The following DPYD variants were observed in gnomAD, a reference collection of about 807,000 sequenced individuals.
DPYD encodes dihydropyrimidine dehydrogenase [NADP(+)].
DPYD carries 109 observed loss-of-function variants against 116.2 expected under a neutral mutation model. The ratio of observed to expected loss-of-function variants is 0.94; its 90% CI spans 0.80 to 1.10. The LOEUF (loss-of-function observed/expected upper bound fraction) is 1.10. Among genes scored for constraint, DPYD ranks in the 50% least tolerant of loss-of-function variants. DPYD has a pLI of 0.00. For synonymous variants in DPYD, 440 were observed against 432.0 expected, an observed-to-expected ratio of 1.02 and a Z score of -0.23; for missense variants, 1,302 against 1,254.5, an observed-to-expected ratio of 1.04 and a Z score of -0.57.
intron 20 of DPYD, among the ~76,000 whole-genome samples, chr1:97,192,310 A>G (rs1440869309): frequency 2.6e-5 from 4 of 152,182 alleles, no homozygotes; most frequent in Non-Finnish European, 5.9e-5. Context: ...TGAATTATTA[A>G]ATGCTTCCTT....
At chr1:97,898,590 G>A (rs1055222594) in intron 1 of DPYD, among the ~76,000 whole-genome samples, 2 of 151,852 alleles carry the variant, frequency 1.3e-5, no homozygotes, top group African/African-American at 4.8e-5. Context: ...TATTGTTTCA[G>A]GTGGAAATGT....
chr1:97,636,457 TAAATA>T (rs1657567951), intron 8 of DPYD, among the ~76,000 whole-genome samples: 1 of 152,074 alleles, frequency 6.6e-6, no homozygotes, highest in Non-Finnish European at 1.5e-5. Flanking sequence ...ATGATCTTTA[TAAATA>T]AAATATAGAT....
chr1:97,909,109 A>G (rs933707768), intron 1 of DPYD, among the ~76,000 whole-genome samples: 1 of 152,134 alleles, frequency 6.6e-6, no homozygotes, highest in African/African-American at 2.4e-5. Flanking sequence ...CCTACTTTAC[A>G]GAAAATCTAT....
chr1:97,251,265 A>G (rs780096277), intron 18 of DPYD, among the ~76,000 whole-genome samples: 1 of 151,822 alleles, frequency 6.6e-6, no homozygotes, highest in Non-Finnish European at 1.5e-5. Flanking sequence ...TCATGGTGGC[A>G]GGCGCCTCTC....
intron 12 of DPYD, among the ~76,000 whole-genome samples, chr1:97,537,169 CT>C (rs1650062343): frequency 6.6e-6 from 1 of 152,208 alleles, no homozygotes; most frequent in Admixed American, 6.5e-5. Context: ...AAATCCCTGA[CT>C]GTCATATTTT....
In DPYD at chr1:97,078,793, T is replaced by C; in HGVS notation, c.*183A>G. The C allele has an allele frequency of 1.5e-6, 1 of 665,320 alleles. No homozygotes were observed. The highest frequency in any genetic ancestry group is 2.9e-5 in the East Asian group (1 of 34,988). The allele number at this position is 665,320 out of a possible 1,614,324, so 41.2% of individuals were successfully genotyped here. ...AATTATTCTATTTTATGACCACTAA[T>C]TGAATGGTCATTGACATGAGACATT... On this transcript the variant is annotated 3_prime_UTR_variant, in exon 23 of 23. Transcript: ENST00000370192.
At chr1:97,738,269 T>C (rs2101065275) in intron 4 of DPYD, among the ~76,000 whole-genome samples, 1 of 152,284 alleles carries the variant, frequency 6.6e-6, no homozygotes, top group African/African-American at 2.4e-5. Flanking sequence ...AAATGTGTAC[T>C]TCCAATTGAG....
chr1:97,230,817 C>G (rs1359613811), intron 19 of DPYD, among the ~76,000 whole-genome samples: 3 of 152,016 alleles, frequency 2.0e-5, no homozygotes, highest in South Asian at 4.2e-4. Flanking sequence ...TTAGTTTCTT[C>G]TGAAGAAGAA....
chr1:97,135,631 A>G (rs762561863), intron 20 of DPYD, among the ~76,000 whole-genome samples: 1 of 152,170 alleles, frequency 6.6e-6, no homozygotes, highest in Non-Finnish European at 1.5e-5. Context: ...TGTGTTCCTC[A>G]TTTGACCCTT....
At chr1:97,610,738 A>C (rs1655891142) in intron 8 of DPYD, among the ~76,000 whole-genome samples, 1 of 152,012 alleles carries the variant, frequency 6.6e-6, no homozygotes, top group Admixed American at 6.6e-5. Context: ...TTTCTCTATA[A>C]AGATTACAAT....
At chr1:97,594,647 G>A (rs1203486668) in intron 9 of DPYD, among the ~76,000 whole-genome samples, 1 of 152,072 alleles carries the variant, frequency 6.6e-6, no homozygotes, top group Non-Finnish European at 1.5e-5. Flanking sequence ...GTCTATCAAA[G>A]TATTTTATTT....
At chr1:97,172,735 C>T (rs563573516) in intron 20 of DPYD, among the ~76,000 whole-genome samples, 9 of 152,278 alleles carry the variant, frequency 5.9e-5, no homozygotes, top group Admixed American at 2.6e-4. Context: ...AGAATGAAGC[C>T]TGTGCCCTAT....
chr1:97,470,715 G>C (rs1225596635), intron 13 of DPYD, among the ~76,000 whole-genome samples: 1 of 152,178 alleles, frequency 6.6e-6, no homozygotes, highest in Non-Finnish European at 1.5e-5. Context: ...TTCTGAACTA[G>C]GGCCAGGCAC....
intron 20 of DPYD, among the ~76,000 whole-genome samples, chr1:97,148,122 G>T (rs549209566): frequency 1.3e-5 from 2 of 152,180 alleles, no homozygotes; most frequent in East Asian, 3.9e-4. Context: ...AATGTCTGGA[G>T]CCTTAAGCTG....
At position 97,248,242 on chromosome 1, in the gene DPYD, C is replaced by T. The variant is rs537443717; in HGVS notation, c.2300-13248G>A. Among the ~76,000 whole-genome samples the T allele has an allele frequency of 2.0e-5, 3 of 152,274 alleles. No individual in the cohort carries two copies. In the South Asian group the frequency reaches 6.2e-4, roughly 32 times the overall value. ...CTTGAATTGTTAACTCCCACACTTC[C>T]CACGTGTTGTGGGAGGAACCCAGTG... is the stretch of plus-strand genomic sequence containing the variant. On this transcript the variant is annotated intron_variant, in intron 18 of 22. Coordinates refer to ENST00000370192, the MANE Select transcript of DPYD (RefSeq NM_000110.4).
At chr1:97,889,472 C>T (rs180761939) in intron 1 of DPYD, among the ~76,000 whole-genome samples, 2 of 152,022 alleles carry the variant, frequency 1.3e-5, no homozygotes, top group Admixed American at 1.3e-4. Flanking sequence ...AGTGCCCATA[C>T]TAATATCAGA....
At chr1:97,518,901 A>G (rs1035598183) in intron 12 of DPYD, among the ~76,000 whole-genome samples, 1 of 152,128 alleles carries the variant, frequency 6.6e-6, no homozygotes, top group African/African-American at 2.4e-5. Flanking sequence ...TATTATATGT[A>G]AATTCCAAGT....
chr1:97,172,112 T>A (rs1656763618), intron 20 of DPYD, among the ~76,000 whole-genome samples: 1 of 152,162 alleles, frequency 6.6e-6, no homozygotes, highest in African/African-American at 2.4e-5. Context: ...GGGTTTTCCA[T>A]CCCACAGAAT....
intron 2 of DPYD, among the ~76,000 whole-genome samples, chr1:97,866,312 T>A (rs568228659): frequency 1.3e-5 from 2 of 151,956 alleles, no homozygotes; most frequent in Non-Finnish European, 1.5e-5. Context: ...GCTTCTTTAC[T>A]GGCCTTCTGT....
Sources: gnomAD v4.1 joint callset for allele counts (sites outside exome capture counted in the v4.1 genomes callset) on GRCh38, gnomAD v4.1.1 for gene constraint, MANE v1.5 for transcripts, NCBI Gene and HGNC (gene_info 2026-07-23, HGNC 2026-07-21) for gene names.